The following ARFGEF1 variants were observed in gnomAD, a reference collection of about 807,000 sequenced individuals.
ARFGEF1 encodes the protein ARF guanine nucleotide exchange factor 1, also known as brefeldin A-inhibited guanine nucleotide-exchange protein 1.
Under a neutral mutation model 231.0 loss-of-function variants are expected in ARFGEF1, and 42 were observed. That is an observed-to-expected ratio of 0.18 (90% CI 0.14 to 0.24). The LOEUF (loss-of-function observed/expected upper bound fraction) is 0.24. Ranked by LOEUF, ARFGEF1 falls within the 10% of genes least tolerant of loss-of-function variation. The pLI, the probability that ARFGEF1 is intolerant of heterozygous loss-of-function variation, is 1.00. For synonymous variants in ARFGEF1, 710 were observed against 732.3 expected (o/e 0.97, Z 0.49); for missense variants, 1,345 against 2,192.0 (o/e 0.61, Z 7.72).
chr8:67,294,169 G>C (rs1806131135), intron 5 of ARFGEF1, among the ~76,000 whole-genome samples: 1 of 152,088 alleles, frequency 6.6e-6, no homozygotes, highest in African/African-American at 2.4e-5. Flanking sequence ...AAAGTATACA[G>C]AGGATGTGTG....
At chr8:67,233,594 C>G (rs189829127) in intron 22 of ARFGEF1, among the ~76,000 whole-genome samples, 1 of 151,988 alleles carries the variant, frequency 6.6e-6, no homozygotes, top group Non-Finnish European at 1.5e-5. Flanking sequence ...ATTTCCATTC[C>G]TACCTAGTTC....
chr8:67,335,283 T>G (rs1808292768), intron 1 of ARFGEF1, among the ~76,000 whole-genome samples: 1 of 151,882 alleles, frequency 6.6e-6, no homozygotes, highest in Non-Finnish European at 1.5e-5. Flanking sequence ...TTTTTTGTAT[T>G]TTTAGTAGAG....
chr8:67,188,899 C>T (rs1292242649), intron 5 of ARFGEF1, among the ~76,000 whole-genome samples: 5 of 152,154 alleles, frequency 3.3e-5, no homozygotes, highest in Admixed American at 3.3e-4. Context: ...AGAGCTTTAA[C>T]ATTCACCGCA....
chr8:67,180,969 C>T (rs1832868084), intron 5 of ARFGEF1, among the ~76,000 whole-genome samples: 1 of 151,832 alleles, frequency 6.6e-6, no homozygotes. Context: ...GTATTTCAGG[C>T]CAATTACTTT....
At chr8:67,241,013 A>G (rs1216530873) in intron 19 of ARFGEF1, among the ~76,000 whole-genome samples, 1 of 152,212 alleles carries the variant, frequency 6.6e-6, no homozygotes, top group African/African-American at 2.4e-5. Context: ...ACTGCTTTTA[A>G]GTGGTCATCA....
chr8:67,289,540 C>T (rs1805909055), intron 6 of ARFGEF1, among the ~76,000 whole-genome samples: 1 of 107,654 alleles, frequency 9.3e-6, no homozygotes. Flanking sequence ...CAGAGCAAGA[C>T]TCTGTATCCA....
rs1554638965 is a variant in ARFGEF1 at position 67,236,349 on chromosome 8, TAAAA to T, written c.3289+1990_3289+1993del. 7.6e-3 allele frequency among the ~76,000 whole-genome samples: 106 copies of T among 13,950 alleles called. 3 individuals carry two copies. The highest frequency in any genetic ancestry group is 0.011 in the Non-Finnish European group (81 of 7,410). The allele number at this position is 13,950 out of a possible 152,430, so 9.2% of individuals were successfully genotyped here. A position where few individuals can be genotyped will look rare whatever the true frequency, so the allele number is the denominator to read the frequency against. On this transcript the variant is annotated intron_variant, in intron 22 of 38. Coordinates refer to ENST00000262215, the MANE Select transcript of ARFGEF1 (RefSeq NM_006421.5). ...AAAAAAAAAAAAAAAAGATATTAGT[TAAAA>T]AAAAAAAAAAAAATATATATATATA...
In ARFGEF1 at chr8:67,299,475, C is replaced by T. The variant is rs944076822; in HGVS notation, c.313-120G>A. The T allele has an allele frequency of 1.5e-5, 14 of 933,262 alleles. 1 individual carries two copies. Among genetic ancestry groups the T allele is most frequent in the South Asian group, 4.1e-5 (2 of 49,338 alleles). The allele number at this position is 933,262 out of a possible 1,614,324, so 57.8% of individuals were successfully genotyped here. Reference sequence around the variant, plus strand: ...TATACATAAAATTTTTACACAAAAACATAAAGGTATTATCAAAGCCAAAGC... The same window carrying T: ...TATACATAAAATTTTTACACAAAAATATAAAGGTATTATCAAAGCCAAAGC... On this transcript the variant is annotated intron_variant, in intron 3 of 38. Coordinates refer to ENST00000262215, the MANE Select transcript of ARFGEF1 (RefSeq NM_006421.5).
chr8:67,338,868 G>A (rs1285892785), intron 1 of ARFGEF1, among the ~76,000 whole-genome samples: 4 of 152,156 alleles, frequency 2.6e-5, no homozygotes, highest in Non-Finnish European at 5.9e-5. Flanking sequence ...GTTCACTGAT[G>A]GCAGGATATT....
intron 5 of ARFGEF1, among the ~76,000 whole-genome samples, chr8:67,185,350 T>TG (rs1293158681): frequency 6.6e-6 from 1 of 152,186 alleles, no homozygotes; most frequent in Non-Finnish European, 1.5e-5. Flanking sequence ...AGATGGATAA[T>TG]GATGAAAATG....
At chr8:67,174,654 A>G (rs531228075), downstream of ARFGEF1, 27 of 152,524 alleles carry the variant, frequency 1.8e-4, no homozygotes, top group African/African-American at 6.0e-4. Flanking sequence ...AGTCCCAGCT[A>G]CTTGGGAGAC....
chr8:67,320,167 T>A (rs1399690296), intron 1 of ARFGEF1, among the ~76,000 whole-genome samples: 1 of 131,680 alleles, frequency 7.6e-6, no homozygotes, highest in Admixed American at 9.6e-5. Flanking sequence ...GAGGTTGCAG[T>A]GAGCCGAGAT....
chr8:67,301,573 G>A (rs564945711), intron 2 of ARFGEF1, among the ~76,000 whole-genome samples, 193 bp from the exon 3 acceptor site: 1 of 152,290 alleles, frequency 6.6e-6, no homozygotes, highest in South Asian at 2.1e-4. Context: ...CTAGTGGCCA[G>A]AGCTGTGACT....
At chr8:67,216,383 G>C (rs1015557793) in intron 33 of ARFGEF1, among the ~76,000 whole-genome samples, 4 of 152,014 alleles carry the variant, frequency 2.6e-5, no homozygotes, top group Non-Finnish European at 2.9e-5. Context: ...CTTGGAAGCA[G>C]AGAGCAGCTC....
chr8:67,197,577 T>G (rs1393874061), downstream of ARFGEF1: 1 of 961,176 alleles, frequency 1.0e-6, no homozygotes, highest in Non-Finnish European at 1.2e-6. Context: ...GAATTTGTAG[T>G]TCTGGCTGAA....
chr8:67,183,913 C>T (rs1424326514), intron 5 of ARFGEF1, among the ~76,000 whole-genome samples: 7 of 128,972 alleles, frequency 5.4e-5, no homozygotes, highest in Non-Finnish European at 4.6e-5. Flanking sequence ...AGCGTGATGG[C>T]GTGATCTTGG....
At chr8:67,337,315 A>G (rs1055437167) in intron 1 of ARFGEF1, among the ~76,000 whole-genome samples, 2 of 152,124 alleles carry the variant, frequency 1.3e-5, no homozygotes, top group Non-Finnish European at 2.9e-5. Context: ...TTTCTATCCT[A>G]GTGTCCCCCA....
chr8:67,272,032 A>G, intron 9 of ARFGEF1, 96 bp from the exon 10 acceptor site: 1 of 732,172 alleles, frequency 1.4e-6, no homozygotes, highest in Non-Finnish European at 2.2e-6. Flanking sequence ...ACATAATCAT[A>G]ATTTCATAAA....
intron 1 of ARFGEF1, among the ~76,000 whole-genome samples, chr8:67,321,745 C>T (rs1339452413): frequency 6.6e-6 from 1 of 152,196 alleles, no homozygotes; most frequent in Admixed American, 6.5e-5. Flanking sequence ...CAGGCATGAG[C>T]CACCACACCC....
Sources: allele counts gnomAD v4.1 joint callset (sites outside exome capture counted in the v4.1 genomes callset), GRCh38; gene constraint gnomAD v4.1.1; transcripts MANE v1.5; gene names NCBI Gene and HGNC (gene_info 2026-07-23, HGNC 2026-07-21).